SCN8A: variants seen among roughly 807,000 people sequenced by gnomAD.
The protein encoded by SCN8A is sodium voltage-gated channel alpha subunit 8, also known as sodium channel protein type 8 subunit alpha.
In SCN8A, 30 loss-of-function variants were observed where a neutral mutation model predicts 184.1. That is an observed-to-expected ratio of 0.16 (90% CI 0.12 to 0.22). The LOEUF is 0.22. SCN8A is among the 10% of genes least tolerant of loss of function. SCN8A has a pLI of 1.00. For synonymous variants in SCN8A, 852 were observed against 907.0 expected (o/e 0.94, Z 1.09); for missense variants, 1,057 against 2,498.9 (o/e 0.42, Z 12.30).
chr12:51,640,774 A>G (rs757515163), intron 1 of SCN8A, among the ~76,000 whole-genome samples: 1 of 152,198 alleles, frequency 6.6e-6, no homozygotes. Flanking sequence ...TCCACCAGCC[A>G]AGGTTACTGT....
intron 1 of SCN8A, among the ~76,000 whole-genome samples, chr12:51,631,927 A>G (rs1940204204): frequency 2.0e-5 from 3 of 152,246 alleles, no homozygotes; most frequent in South Asian, 4.1e-4. Flanking sequence ...CTAGAGTTCT[A>G]TTCTTGGCCC....
rs528722291 is a variant in SCN8A, at chr12:51,781,650, G to A, written c.3942+879G>A. On this transcript the variant is annotated intron_variant, in intron 21 of 26. Coordinates refer to ENST00000627620, the MANE Select transcript of SCN8A (RefSeq NM_001330260.2). The stretch of plus-strand genomic sequence containing the variant: ...CAATTGTGCGTGTGCGTGCGTGCAC[G>A]CGCACGCACGCGCACACACACACAC... Among the ~76,000 whole-genome samples the A allele has an allele frequency of 2.3e-4, 35 of 151,224 alleles. 6 individuals are homozygous for A. The highest frequency in any genetic ancestry group is 7.1e-4 in the African/African-American group (29 of 40,676).
At chr12:51,592,377 A>G (rs1939247103) in intron 1 of SCN8A, among the ~76,000 whole-genome samples, 1 of 151,866 alleles carries the variant, frequency 6.6e-6, no homozygotes, top group South Asian at 2.1e-4. Context: ...TCGAGTTGGG[A>G]TGGAATGGGA....
At chr12:51,771,779 G>T (rs568219876) in intron 19 of SCN8A, among the ~76,000 whole-genome samples, 5 of 152,288 alleles carry the variant, frequency 3.3e-5, no homozygotes, top group African/African-American at 1.2e-4. Flanking sequence ...CTGAGGTGCC[G>T]CAGAGGCACC....
intron 1 of SCN8A, among the ~76,000 whole-genome samples, chr12:51,646,879 A>G (rs1291851474): frequency 1.3e-5 from 2 of 152,226 alleles, no homozygotes; most frequent in East Asian, 3.8e-4. Context: ...AGCGGATACT[A>G]GTAGCTTGGT....
At chr12:51,607,346 A>T (rs536377341) in intron 1 of SCN8A, among the ~76,000 whole-genome samples, 1 of 152,274 alleles carries the variant, frequency 6.6e-6, no homozygotes, top group South Asian at 2.1e-4. Context: ...TAGGGTTTTC[A>T]AGGTAAATGA....
intron 12 of SCN8A, among the ~76,000 whole-genome samples, chr12:51,745,571 CAG>C (rs1257823370): frequency 6.6e-6 from 1 of 152,180 alleles, no homozygotes. Context: ...CCAGAAAACT[CAG>C]GGTCTACTTC....
intron 12 of SCN8A, among the ~76,000 whole-genome samples, chr12:51,738,906 G>A (rs1003285405): frequency 6.6e-6 from 1 of 152,168 alleles, no homozygotes; most frequent in Non-Finnish European, 1.5e-5. Context: ...TACCGGCTGT[G>A]GTGGGGGACA....
intron 1 of SCN8A, among the ~76,000 whole-genome samples, chr12:51,632,602 C>T (rs1211943544): frequency 6.6e-6 from 1 of 152,216 alleles, no homozygotes; most frequent in Admixed American, 6.5e-5. Context: ...GTTCTTTTGG[C>T]TGACACCTGA....
chr12:51,729,968 A>G (rs542129543), intron 12 of SCN8A, among the ~76,000 whole-genome samples: 2 of 152,122 alleles, frequency 1.3e-5, no homozygotes, highest in South Asian at 2.1e-4. Flanking sequence ...TGAATTGTTT[A>G]TTCATATCTT....
intron 5 of SCN8A, among the ~76,000 whole-genome samples, chr12:51,688,284 T>G (rs1941452031): frequency 6.6e-6 from 1 of 152,244 alleles, no homozygotes; most frequent in African/African-American, 2.4e-5. Flanking sequence ...TACAATCATA[T>G]GATTACAACT....
intron 12 of SCN8A, among the ~76,000 whole-genome samples, chr12:51,732,687 A>G (rs1347644458): frequency 6.6e-6 from 1 of 152,154 alleles, no homozygotes; most frequent in African/African-American, 2.4e-5. Context: ...AATATTGAAC[A>G]ATCCACGAAC....
At chr12:51,655,634 A>G (rs944685751) in intron 1 of SCN8A, among the ~76,000 whole-genome samples, 10 of 152,134 alleles carry the variant, frequency 6.6e-5, no homozygotes, top group Admixed American at 3.9e-4. Flanking sequence ...TAAGCCTCCC[A>G]AAGCACTAGG....
In SCN8A at chr12:51,770,336, G is replaced by T. The variant is rs947425766; in HGVS notation, c.3491-193G>T. The stretch of plus-strand genomic sequence containing the variant: ...CATCTTCTTGACTCCTGAGGGCCTT[G>T]CCCCATTAGCCTTTGCAGCATAGCC... On this transcript the variant is annotated intron_variant, in intron 18 of 26. Transcript: ENST00000627620. 26 of 630,868 alleles carry T rather than the reference G, an allele frequency of 4.1e-5. No individual in the cohort carries two copies. The African/African-American group carries it at 4.8e-4, about 12-fold the overall frequency. The allele number at this position is 630,868 out of a possible 1,614,324, so 39.1% of individuals were successfully genotyped here.
At chr12:51,646,604 C>A (rs1227854726) in intron 1 of SCN8A, among the ~76,000 whole-genome samples, 1 of 152,080 alleles carries the variant, frequency 6.6e-6, no homozygotes, top group Non-Finnish European at 1.5e-5. Flanking sequence ...AGTTTTAGAA[C>A]AATGGGCAGG....
chr12:51,788,586 C>A, intron 22 of SCN8A, 109 bp from the exon 23 acceptor site: 1 of 692,300 alleles, frequency 1.4e-6, no homozygotes, highest in Non-Finnish European at 2.3e-6. Flanking sequence ...TGCACCCAAA[C>A]CCCTGTTCTG....
At chr12:51,697,503 C>T (rs188395936) in intron 6 of SCN8A, among the ~76,000 whole-genome samples, 3 of 152,298 alleles carry the variant, frequency 2.0e-5, no homozygotes, top group Admixed American at 2.0e-4. Context: ...TAGGTGATTA[C>T]TTGCAAAATA....
At chr12:51,721,103 AT>A (rs1565899372) in intron 11 of SCN8A, among the ~76,000 whole-genome samples, 12 of 106,878 alleles carry the variant, frequency 1.1e-4, no homozygotes, top group African/African-American at 1.5e-4. Context: ...ATATATATAT[AT>A]ATAATATTTA....
At chr12:51,701,116 C>T in intron 7 of SCN8A, 28 bp from the exon 8 acceptor site, 1 of 1,558,722 alleles carries the variant, frequency 6.4e-7, no homozygotes, top group Non-Finnish European at 8.8e-7. Context: ...TCTGCCTGTT[C>T]ATTTCCTGCC....
Sources: allele counts gnomAD v4.1 joint callset (sites outside exome capture counted in the v4.1 genomes callset), GRCh38; gene constraint gnomAD v4.1.1; transcripts MANE v1.5; gene names NCBI Gene and HGNC (gene_info 2026-07-23, HGNC 2026-07-21).